QTGAL: variants seen among roughly 807,000 people sequenced by gnomAD.
The protein encoded by QTGAL is BGnT-like protein 1.
chr17:82,995,937 T>C, the QTGAL span, among the ~76,000 whole-genome samples: 1,695 of 150,572 alleles, frequency 0.011, 35 homozygotes, highest in African/African-American at 0.039. Context: ...ATCTCTACGA[T>C]GAAAACTATA....
the QTGAL span, among the ~76,000 whole-genome samples, chr17:83,049,412 GT>G: frequency 0.014 from 1,928 of 136,782 alleles, 38 homozygotes; most frequent in African/African-American, 0.047. Flanking sequence ...TAACTGGTTG[GT>G]TTTTTTTTTT....
the QTGAL span, chr17:82,949,489 G>A: frequency 6.6e-6 from 1 of 152,192 alleles, no homozygotes; most frequent in Admixed American, 6.5e-5. Flanking sequence ...GGTGCCCTGA[G>A]ACCCGCAAGC....
At chr17:83,041,043 G>A in the QTGAL span, among the ~76,000 whole-genome samples, 3 of 149,096 alleles carry the variant, frequency 2.0e-5, no homozygotes, top group African/African-American at 7.5e-5. Flanking sequence ...TCCAGGCTGG[G>A]TGACAGAGCG....
the QTGAL span, among the ~76,000 whole-genome samples, chr17:82,971,360 C>T: frequency 2.6e-5 from 4 of 152,198 alleles, no homozygotes; most frequent in South Asian, 4.1e-4. Context: ...GGGGCTCAGT[C>T]AGCACAGAGC....
chr17:82,980,764 C>T, the QTGAL span, among the ~76,000 whole-genome samples: 1 of 152,210 alleles, frequency 6.6e-6, no homozygotes, highest in Non-Finnish European at 1.5e-5. Context: ...CCCCGAGGCT[C>T]GTCCCTTTGG....
chr17:82,999,801 T>C, the QTGAL span, among the ~76,000 whole-genome samples: 1 of 152,170 alleles, frequency 6.6e-6, no homozygotes, highest in African/African-American at 2.4e-5. Context: ...TTTCTTGTAA[T>C]GTCATGACTT....
the QTGAL span, chr17:82,945,587 A>C: frequency 6.6e-6 from 1 of 152,184 alleles, no homozygotes. Flanking sequence ...AACAAAATTA[A>C]GTCATTTAGA....
chr17:82,987,295 G>A, the QTGAL span, among the ~76,000 whole-genome samples: 1 of 152,060 alleles, frequency 6.6e-6, no homozygotes, highest in Admixed American at 6.6e-5. Context: ...AATAAATAAT[G>A]ATTTGAAAGA....
the QTGAL span, among the ~76,000 whole-genome samples, chr17:83,044,457 C>G: frequency 6.6e-6 from 1 of 152,132 alleles, no homozygotes; most frequent in Non-Finnish European, 1.5e-5. Flanking sequence ...TTTAAAAATT[C>G]AACAGACTAG....
At chr17:83,002,031 G>A in the QTGAL span, among the ~76,000 whole-genome samples, 1 of 150,904 alleles carries the variant, frequency 6.6e-6, no homozygotes, top group Non-Finnish European at 1.5e-5. Context: ...CAAAGTGCTG[G>A]GATTATAGGC....
At chr17:82,966,117 CTG>C in the QTGAL span, among the ~76,000 whole-genome samples, 1 of 148,746 alleles carries the variant, frequency 6.7e-6, no homozygotes, top group African/African-American at 2.5e-5. Context: ...GTTTGTCACT[CTG>C]TTGCTCAGGC....
At chr17:82,963,782 G>C in the QTGAL span, among the ~76,000 whole-genome samples, 1 of 152,004 alleles carries the variant, frequency 6.6e-6, no homozygotes, top group Non-Finnish European at 1.5e-5. Flanking sequence ...GTTTTTTGGG[G>C]GATGACAACT....
the QTGAL span, chr17:82,957,317 G>A: frequency 1.3e-4 from 209 of 1,613,962 alleles, no homozygotes; most frequent in Admixed American, 1.7e-4. Flanking sequence ...GGGACAGTAC[G>A]GGGGCAGGGC....
the QTGAL span, among the ~76,000 whole-genome samples, chr17:82,995,920 G>A: frequency 2.6e-5 from 4 of 151,604 alleles, no homozygotes; most frequent in Non-Finnish European, 5.9e-5. Context: ...AACCAAAGGA[G>A]TGAAAGATCT....
chr17:83,033,198 T>C, the QTGAL span, among the ~76,000 whole-genome samples: 1 of 152,242 alleles, frequency 6.6e-6, no homozygotes, highest in Non-Finnish European at 1.5e-5. Flanking sequence ...TATTCAGTCA[T>C]TTGTCCTGCT....
the QTGAL span, among the ~76,000 whole-genome samples, chr17:83,009,607 A>G: frequency 6.6e-6 from 1 of 152,174 alleles, no homozygotes; most frequent in South Asian, 2.1e-4. Flanking sequence ...GATTCGCCAC[A>G]GAGGCCGAGT....
chr17:83,020,233 A>C, the QTGAL span, among the ~76,000 whole-genome samples: 31 of 152,196 alleles, frequency 2.0e-4, no homozygotes, highest in Admixed American at 5.2e-4. Flanking sequence ...ATAAAGTGTA[A>C]GAGGGTCCCA....
the QTGAL span, among the ~76,000 whole-genome samples, chr17:82,966,627 T>C: frequency 6.6e-6 from 1 of 152,140 alleles, no homozygotes; most frequent in African/African-American, 2.4e-5. Context: ...CTGGAACCAC[T>C]GGTGTCCTTA....
chr17:82,968,130 C>G, the QTGAL span, among the ~76,000 whole-genome samples: 2 of 152,160 alleles, frequency 1.3e-5, no homozygotes, highest in Admixed American at 1.3e-4. Flanking sequence ...TGCAAACACA[C>G]GTCCATCCGG....
Sources: allele counts gnomAD v4.1 joint callset (sites outside exome capture counted in the v4.1 genomes callset), GRCh38; gene constraint gnomAD v4.1.1; transcripts MANE v1.5; gene names NCBI Gene and HGNC (gene_info 2026-07-23, HGNC 2026-07-21).